Variants in DNAJC5B observed in about 807,000 individuals in gnomAD.
DNAJC5B encodes DnaJ heat shock protein family (Hsp40) member C5 beta.
In DNAJC5B, 23 loss-of-function variants were observed where a neutral mutation model predicts 24.7. The observed-to-expected ratio is 0.93, with a 90% CI of 0.67 to 1.32. DNAJC5B has a LOEUF of 1.32. Ranked by LOEUF, DNAJC5B falls within the 40% of genes most tolerant of loss-of-function variation. The probability of loss-of-function intolerance (pLI) is 0.00; values close to 1 mark genes in which losing one functional copy is unlikely to be tolerated. For synonymous variants in DNAJC5B, 101 were observed against 90.1 expected (o/e 1.12, Z -0.68); for missense variants, 238 against 240.8 (o/e 0.99, Z 0.08).
chr8:66,081,182 G>A (rs751523928), intron 5 of DNAJC5B, among the ~76,000 whole-genome samples: 5 of 152,122 alleles, frequency 3.3e-5, no homozygotes, highest in Non-Finnish European at 5.9e-5. Flanking sequence ...TCAAGTTCAT[G>A]CTATCCAAAA....
chr8:66,019,353 T>A (rs1806046927), upstream of DNAJC5B, among the ~76,000 whole-genome samples: 2 of 152,218 alleles, frequency 1.3e-5, no homozygotes, highest in South Asian at 4.1e-4. Flanking sequence ...CTGCATATCT[T>A]TTTTCCATTG....
chr8:66,063,715 C>G (rs1807131861), intron 3 of DNAJC5B, among the ~76,000 whole-genome samples: 1 of 152,216 alleles, frequency 6.6e-6, no homozygotes, highest in South Asian at 2.1e-4. Flanking sequence ...CACTCATTCA[C>G]TCAATATCTA....
chr8:66,098,029 C>T (rs1345408707), intron 5 of DNAJC5B, among the ~76,000 whole-genome samples: 10 of 151,878 alleles, frequency 6.6e-5, no homozygotes, highest in Admixed American at 3.9e-4. Context: ...TTTTTCTGTA[C>T]TTTTAGTAGA....
upstream of DNAJC5B, among the ~76,000 whole-genome samples, chr8:66,016,663 G>A (rs542955783): frequency 3.3e-5 from 5 of 152,200 alleles, no homozygotes; most frequent in Non-Finnish European, 7.3e-5. Context: ...TGAAGATTAA[G>A]TTTCAACATA....
At chr8:66,016,925 C>A (rs73691264), upstream of DNAJC5B, among the ~76,000 whole-genome samples, 6,342 of 152,180 alleles carry the variant, frequency 0.042, 443 homozygotes, top group African/African-American at 0.14. Context: ...GTTTAAAGCA[C>A]TTCCAAAATA....
intron 2 of DNAJC5B, among the ~76,000 whole-genome samples, chr8:66,047,134 A>G (rs1448336657): frequency 1.3e-5 from 2 of 152,222 alleles, no homozygotes; most frequent in East Asian, 3.8e-4. Flanking sequence ...CCAGATAATA[A>G]CCAAAAGGAG....
intron 3 of DNAJC5B, 28 bp from the exon 4 acceptor site, chr8:66,076,632 T>G (rs1807469528): frequency 6.2e-7 from 1 of 1,611,490 alleles, no homozygotes; most frequent in Non-Finnish European, 8.5e-7. Context: ...AATAACACAC[T>G]CTCCTTGTTT....
At chr8:66,057,637 A>C (rs926049703) in intron 3 of DNAJC5B, 1 of 152,228 alleles carries the variant, frequency 6.6e-6, no homozygotes, top group African/African-American at 2.4e-5. Flanking sequence ...ATTATAATTA[A>C]ATTTCTGAAA....
intron 1 of DNAJC5B, among the ~76,000 whole-genome samples, chr8:66,027,167 C>T (rs988283093): frequency 6.6e-6 from 1 of 152,152 alleles, no homozygotes; most frequent in Non-Finnish European, 1.5e-5. Context: ...GTCTGGGGAG[C>T]AGGGATCCAT....
At chr8:66,026,925 G>A (rs114795427) in intron 1 of DNAJC5B, among the ~76,000 whole-genome samples, 1 of 152,172 alleles carries the variant, frequency 6.6e-6, no homozygotes, top group Non-Finnish European at 1.5e-5. Flanking sequence ...AACCCAATGT[G>A]CTTTAATTTT....
At chr8:66,035,557 C>T (rs1242004528) in intron 1 of DNAJC5B, among the ~76,000 whole-genome samples, 1 of 152,158 alleles carries the variant, frequency 6.6e-6, no homozygotes, top group Non-Finnish European at 1.5e-5. Context: ...TGGAGGCACA[C>T]CACAGTGACA....
chr8:66,093,239 T>C (rs1807883832), intron 5 of DNAJC5B, among the ~76,000 whole-genome samples: 1 of 151,920 alleles, frequency 6.6e-6, no homozygotes, highest in Non-Finnish European at 1.5e-5. Context: ...AATGCTAGAG[T>C]TTTTCTAGGT....
At chr8:66,015,363 G>A in the DNAJC5B span, among the ~76,000 whole-genome samples, 1 of 152,110 alleles carries the variant, frequency 6.6e-6, no homozygotes, top group Non-Finnish European at 1.5e-5. Context: ...TCTTGCTTTA[G>A]ACATCGGCCT....
At chr8:66,094,965 C>T (rs1273887784) in intron 5 of DNAJC5B, among the ~76,000 whole-genome samples, 1 of 151,960 alleles carries the variant, frequency 6.6e-6, no homozygotes, top group African/African-American at 2.4e-5. Context: ...TCAGCATAGT[C>T]TTCATGTATT....
intron 2 of DNAJC5B, among the ~76,000 whole-genome samples, chr8:66,048,659 T>C (rs1024684495): frequency 1.3e-5 from 2 of 152,114 alleles, no homozygotes; most frequent in South Asian, 4.1e-4. Context: ...TCCTAATTCA[T>C]GTTGATATAT....
At chr8:66,087,917 A>G (rs777318574) in intron 5 of DNAJC5B, among the ~76,000 whole-genome samples, 7 of 152,102 alleles carry the variant, frequency 4.6e-5, no homozygotes, top group Non-Finnish European at 8.8e-5. Context: ...TGATGGATCT[A>G]CCTTTCTAGG....
At chr8:66,071,600 G>A (rs1807350328) in intron 3 of DNAJC5B, among the ~76,000 whole-genome samples, 1 of 152,230 alleles carries the variant, frequency 6.6e-6, no homozygotes, top group African/African-American at 2.4e-5. Flanking sequence ...TTACACGTTA[G>A]TGGGAGTGTA....
chr8:66,019,623 C>G (rs1199838971), upstream of DNAJC5B, among the ~76,000 whole-genome samples: 1 of 152,018 alleles, frequency 6.6e-6, no homozygotes, highest in Non-Finnish European at 1.5e-5. Flanking sequence ...TAATTTTATT[C>G]CAGTAAAATG....
rs1324437608 is a variant in DNAJC5B, at chr8:66,080,639, G to A, written c.505+91G>A. On this transcript the variant is annotated intron_variant, in intron 5 of 5. Coordinates refer to ENST00000276570, the MANE Select transcript of DNAJC5B (RefSeq NM_033105.6). ...ACGGGGACAGCTATCACTATAGTAGGAGAGCTCCCACAACCAAATGGGTGG... is the reference window on the plus strand; with the variant it reads ...ACGGGGACAGCTATCACTATAGTAGAAGAGCTCCCACAACCAAATGGGTGG... 3 of 1,172,636 alleles carry A rather than the reference G, an allele frequency of 2.6e-6. No homozygotes were observed. The East Asian group carries it at 7.9e-5, about 31-fold the overall frequency. The allele number at this position is 1,172,636 out of a possible 1,614,324, so 72.6% of individuals were successfully genotyped here. A position where few individuals can be genotyped will look rare whatever the true frequency, so the allele number is the denominator to read the frequency against.
Sources: allele counts gnomAD v4.1 joint callset (sites outside exome capture counted in the v4.1 genomes callset), GRCh38; gene constraint gnomAD v4.1.1; transcripts MANE v1.5; gene names NCBI Gene and HGNC (gene_info 2026-07-23, HGNC 2026-07-21).